The following VWF variants were observed in gnomAD, a reference collection of about 807,000 sequenced individuals.
VWF encodes the protein Factor VIII related antigen.
A neutral mutation model predicts 308.6 loss-of-function variants in VWF; 176 were observed. That is an observed-to-expected ratio of 0.57 (90% CI 0.50 to 0.65). The LOEUF (loss-of-function observed/expected upper bound fraction) is 0.65. VWF is among the 30% of genes least tolerant of loss of function. The pLI, the probability that VWF is intolerant of heterozygous loss-of-function variation, is 0.00. For missense variants in VWF, 3,146 were observed against 3,648.2 expected (o/e 0.86, Z 3.55); for synonymous variants, 1,385 against 1,443.4 (o/e 0.96, Z 0.92).
In VWF at chr12:6,103,456, GTGTATATACACATA is replaced by G. The variant is rs1565391106; in HGVS notation, c.532+6904_532+6917del. ...CGTGTGTATATACATACACATATAT[GTGTATATACACATA>G]TGTGTGTATATACATATATGTGTAT... On this transcript the variant is annotated intron_variant, in intron 5 of 51. Coordinates refer to ENST00000261405, the MANE Select transcript of VWF (RefSeq NM_000552.5). Among the ~76,000 whole-genome samples the G allele has an allele frequency of 4.0e-4, 29 of 73,358 alleles. 1 individual carries two copies. The South Asian group carries it at 7.7e-3, about 20-fold the overall frequency. 48.1% of individuals were successfully genotyped at this position (73,358 alleles called of 152,430 possible).
chr12:6,020,395 G>A lies in VWF; in HGVS notation c.3675-652C>T, dbSNP rs1463896772. On this transcript the variant is annotated intron_variant, in intron 27 of 51. Transcript: ENST00000261405. The surrounding 1 kb of genome is among the most constrained non-coding windows in gnomAD (Gnocchi z 4.3). ...GGGGTCTCCACGGTGTCAGGCCTAG[G>A]AAAAGACATTCACTCATTCCTCCAG... is the stretch of plus-strand genomic sequence containing the variant. Among the ~76,000 whole-genome samples the A allele has an allele frequency of 2.0e-5, 3 of 152,222 alleles. No individual in the cohort carries two copies. The highest frequency in any genetic ancestry group is 7.2e-5 in the African/African-American group (3 of 41,456).
chr12:6,016,129 C>A lies in VWF; in HGVS notation c.5415G>T (p.Val1805=), dbSNP rs1289263443. 6.2e-7 allele frequency: 1 copy of A among 1,614,208 alleles called. No individual in the cohort carries two copies. The highest frequency in any genetic ancestry group is 8.5e-7 in the Non-Finnish European group (1 of 1,180,042). ...AVVILVTDVS[V]DSVDAAADAA... Reference sequence around the variant, plus strand: ...CATCAGCTGCTGCATCCACTGAATCCACAGAGACGTCCGTGACCAGGATGA... The same window carrying A: ...CATCAGCTGCTGCATCCACTGAATCAACAGAGACGTCCGTGACCAGGATGA... The change falls in exon 31 of 52, where the codon GTG becomes GTT. Residue 1805 remains valine, a synonymous_variant. Transcript: ENST00000261405.
Position 5,996,202 on chromosome 12 carries a change from T to C in VWF, c.5863A>G (p.Thr1955Ala). 6.2e-7 allele frequency: 1 copy of C among 1,612,946 alleles called. No homozygotes were observed. Among genetic ancestry groups the C allele is most frequent in the South Asian group, 1.1e-5 (1 of 90,852 alleles). Residue 1955 changes from threonine to alanine, a missense_variant, in exon 35 of 52, where the codon ACT (threonine) becomes GCT (alanine). Around this residue, in one of 3 missense-constraint regions of VWF, gnomAD observed 989 missense variants for 1,117.4 expected, o/e 0.89. Coordinates refer to ENST00000261405, the MANE Select transcript of VWF (RefSeq NM_000552.5). The stretch of plus-strand genomic sequence containing the variant: ...CCATCAAAGGTCACGATGTGCCGAG[T>C]GGAGCTGCCTGTGCACACGCCTGGA... ...TCPCVCTGSS[T>A]RHIVTFDGQN...
intron 5 of VWF, among the ~76,000 whole-genome samples, chr12:6,098,780 A>C (rs1408837263): frequency 6.6e-6 from 1 of 152,112 alleles, no homozygotes; most frequent in Non-Finnish European, 1.5e-5. Context: ...ATCTCAAAAA[A>C]AAAGAAATTT....
At position 6,029,483 on chromosome 12, in the gene VWF, A is replaced by T. The variant is rs1426564202; in HGVS notation, c.2826T>A (p.Asn942Lys). The T allele has an allele frequency of 6.2e-7, 1 of 1,613,968 alleles. No individual in the cohort carries two copies. The highest frequency in any genetic ancestry group is 1.7e-5 in the Admixed American group (1 of 59,996). Residue 942 changes from asparagine (N) to lysine (K), a missense_variant, in exon 22 of 52, where the codon AAT becomes AAA. Asn to Lys is a moderately conservative substitution (Grantham distance 94). Around this residue, in one of 3 missense-constraint regions of VWF, gnomAD observed 1,304 missense variants for 1,353.0 expected, o/e 0.96. Coordinates refer to ENST00000261405, the MANE Select transcript of VWF (RefSeq NM_000552.5). ...TCTCATCCTTCATGGGCCTCTTCAC[A>T]TTCACCTGGAGGAAGACAAAGCAAG... ...GEIELFDGEV[N>K]VKRPMKDETH... is the part of the protein sequence containing the mutation.
At chr12:6,029,594 G>A (rs1279359686) in intron 21 of VWF, 106 bp from the exon 22 acceptor site, 1 of 1,452,272 alleles carries the variant, frequency 6.9e-7, no homozygotes, top group African/African-American at 1.4e-5. Flanking sequence ...GCCCACGAGT[G>A]CAGGCACTGC....
chr12:5,974,297 C>G (rs975207461), intron 43 of VWF, among the ~76,000 whole-genome samples: 2 of 152,160 alleles, frequency 1.3e-5, no homozygotes, highest in Non-Finnish European at 2.9e-5. Context: ...CCATGAGGCT[C>G]CCTTCTCCTC....
chr12:5,973,593 G>A (rs1303631392), intron 43 of VWF, among the ~76,000 whole-genome samples: 1 of 152,170 alleles, frequency 6.6e-6, no homozygotes, highest in East Asian at 1.9e-4. Context: ...ACGAGCTCTG[G>A]GCTCGGGTCA....
intron 34 of VWF, among the ~76,000 whole-genome samples, chr12:6,007,421 A>C (rs1464000135): frequency 1.3e-5 from 2 of 152,260 alleles, no homozygotes; most frequent in Non-Finnish European, 2.9e-5. Flanking sequence ...TAAGAGAAAT[A>C]ATTTCAGAAA....
At chr12:6,079,614 A>G (rs1346496938) in intron 6 of VWF, among the ~76,000 whole-genome samples, 2 of 151,864 alleles carry the variant, frequency 1.3e-5, no homozygotes, top group Non-Finnish European at 2.9e-5. Flanking sequence ...TGTCTCGAAA[A>G]AAAAAAAAAA....
At position 6,075,659 on chromosome 12, in the gene VWF, G is replaced by A. The variant is rs1944834653; in HGVS notation, c.658-108C>T. The A allele has an allele frequency of 1.6e-6, 2 of 1,212,942 alleles. No individual in the cohort carries two copies. The highest frequency in any genetic ancestry group is 4.0e-5 in the Admixed American group (2 of 50,574). 75.1% of individuals were successfully genotyped at this position (1,212,942 alleles called of 1,614,324 possible). ...AACCAAGGCAGCTCCCTCAGCACCT[G>A]GGACAGGCTGGCACCAAGCACATGC... On this transcript the variant is annotated intron_variant, in intron 6 of 51. Coordinates refer to ENST00000261405, the MANE Select transcript of VWF (RefSeq NM_000552.5). The surrounding 1 kb of genome is among the most constrained non-coding windows in gnomAD (Gnocchi z 4.7).
rs1243624944 is a variant in VWF, at chr12:6,013,650, A to G, written c.5456-5T>C. ...CAATAGGGAACACTGTCACTCCTAG[A>G]GTTAGCAAAGAGACAAGAAAGGATC... On this transcript the variant is annotated splice_region_variant and splice_polypyrimidine_tract_variant and intron_variant, in intron 31 of 51. Transcript: ENST00000261405. The G allele has an allele frequency of 6.2e-7, 1 of 1,612,762 alleles. No individual in the cohort carries two copies.
chr12:6,061,090 A>G (rs1944649823), intron 13 of VWF, among the ~76,000 whole-genome samples: 1 of 152,094 alleles, frequency 6.6e-6, no homozygotes, highest in South Asian at 2.1e-4. Flanking sequence ...AATCTCAGCT[A>G]CTCGGGAGGT....
intron 5 of VWF, among the ~76,000 whole-genome samples, chr12:6,109,042 G>C (rs913166933): frequency 2.7e-5 from 4 of 150,812 alleles, no homozygotes; most frequent in African/African-American, 7.3e-5. Context: ...TTCAGAAAGA[G>C]CTCAAAATGG....
At chr12:6,056,776 C>T in intron 15 of VWF, 81 bp downstream of exon 15, 3 of 1,204,028 alleles carry the variant, frequency 2.5e-6, no homozygotes, top group East Asian at 3.2e-5. Context: ...CAGGAAACAA[C>T]GCAGAGAAAG....
intron 3 of VWF, among the ~76,000 whole-genome samples, chr12:6,119,452 C>T (rs1344814043): frequency 6.6e-6 from 1 of 152,188 alleles, no homozygotes; most frequent in East Asian, 1.9e-4. Flanking sequence ...CCCCTTCCAG[C>T]CTCCCCACTT....
chr12:6,038,072 C>G (rs1233976803), intron 18 of VWF, among the ~76,000 whole-genome samples: 1 of 152,108 alleles, frequency 6.6e-6, no homozygotes, highest in Non-Finnish European at 1.5e-5. Flanking sequence ...TCTTACCTCC[C>G]GGAACCACTG....
chr12:6,013,607 C>T lies in VWF; in HGVS notation c.5494G>A (p.Asp1832Asn), dbSNP rs1376775130. The T allele has an allele frequency of 8.7e-6, 14 of 1,613,518 alleles. No homozygotes were observed. The highest frequency in any genetic ancestry group is 1.1e-5 in the Non-Finnish European group (13 of 1,179,912). Reference protein sequence around the residue: ...VFPIGIGDRYDAAQLRILAGP... With the variant: ...VFPIGIGDRYNAAQLRILAGP... ...GCCAAGATCCGTAGCTGGGCTGCAT[C>T]GTAGCGATCTCCAATTCCAATAGGG... The change falls in exon 32 of 52, where the codon GAT becomes AAT. Residue 1832 changes from aspartate (D) to asparagine (N), a missense_variant. By Grantham distance (23) the Asp-to-Asn change is conservative. Transcript: ENST00000261405.
At chr12:5,963,138 G>C (rs922311114) in intron 47 of VWF, among the ~76,000 whole-genome samples, 1 of 152,210 alleles carries the variant, frequency 6.6e-6, no homozygotes, top group East Asian at 1.9e-4. Flanking sequence ...GAATTTTATC[G>C]AAATTAAACT....
Sources: gnomAD v4.1 joint callset for allele counts (sites outside exome capture counted in the v4.1 genomes callset) on GRCh38, gnomAD v4.1.1 for gene constraint, gnomAD v4.1.1 regional missense constraint, Gnocchi (gnomAD v3.1) non-coding constraint, MANE v1.5 for transcripts, NCBI Gene and HGNC (gene_info 2026-07-23, HGNC 2026-07-21) for gene names.